Variants in PBX1 observed in about 807,000 individuals in gnomAD.
The protein encoded by PBX1 is PBX homeobox 1.
Under a neutral mutation model 53.4 loss-of-function variants are expected in PBX1, and 6 were observed. That is an observed-to-expected ratio of 0.11 (90% CI 0.06 to 0.22). The LOEUF is 0.22. Ranked by LOEUF, PBX1 falls within the 10% of genes least tolerant of loss-of-function variation. The pLI is 1.00. For synonymous variants in PBX1, 204 were observed against 212.3 expected, an observed-to-expected ratio of 0.96 and a Z score of 0.34; for missense variants, 251 against 551.4, an observed-to-expected ratio of 0.46 and a Z score of 5.46.
intron 4 of PBX1, among the ~76,000 whole-genome samples, chr1:164,805,722 G>A (rs919467991): frequency 2.0e-5 from 3 of 152,178 alleles, no homozygotes; most frequent in Admixed American, 6.5e-5. Flanking sequence ...TAGTCACTTG[G>A]CTATCTTCCT....
At chr1:164,628,233 T>G (rs529280868) in intron 2 of PBX1, among the ~76,000 whole-genome samples, 2 of 152,366 alleles carry the variant, frequency 1.3e-5, no homozygotes, top group East Asian at 3.9e-4. Context: ...TTTCTAGTCC[T>G]GTAGTCATCT....
chr1:164,650,958 C>G (rs1371036571), intron 2 of PBX1, among the ~76,000 whole-genome samples: 1 of 94,926 alleles, frequency 1.1e-5, no homozygotes, highest in African/African-American at 3.4e-5. Context: ...AATGATGTTG[C>G]TCAGAAAAAA....
intron 8 of PBX1, among the ~76,000 whole-genome samples, chr1:164,834,641 G>A (rs570994438): frequency 5.5e-4 from 84 of 152,148 alleles, no homozygotes; most frequent in Non-Finnish European, 1.0e-3. Flanking sequence ...CACTATACCC[G>A]GCCAGCCCTA....
chr1:164,720,289 C>G (rs1204669775), intron 2 of PBX1, among the ~76,000 whole-genome samples: 2 of 152,042 alleles, frequency 1.3e-5, no homozygotes, highest in Admixed American at 6.6e-5. Flanking sequence ...TGACCACAGG[C>G]AATTTTGTGG....
intron 2 of PBX1, among the ~76,000 whole-genome samples, chr1:164,710,751 G>C (rs1166401682): frequency 6.6e-6 from 1 of 152,186 alleles, no homozygotes; most frequent in Non-Finnish European, 1.5e-5. Flanking sequence ...AGCCTTGAGG[G>C]TTTAAGGAGG....
intron 2 of PBX1, chr1:164,626,163 C>T (rs1032055826): frequency 2.1e-6 from 2 of 933,500 alleles, no homozygotes; most frequent in Non-Finnish European, 2.6e-6. Flanking sequence ...CATGCCTTCC[C>T]CCTTTTATCT....
intron 8 of PBX1, among the ~76,000 whole-genome samples, chr1:164,822,191 C>T (rs766916553): frequency 2.0e-5 from 3 of 152,030 alleles, no homozygotes; most frequent in Non-Finnish European, 2.9e-5. Flanking sequence ...CAAGCTATGT[C>T]GCACAGAGTG....
intron 2 of PBX1, among the ~76,000 whole-genome samples, chr1:164,665,873 G>C (rs963217148): frequency 6.6e-6 from 1 of 152,220 alleles, no homozygotes; most frequent in Non-Finnish European, 1.5e-5. Flanking sequence ...GGCTTCATCA[G>C]ATTCATGGGA....
intron 8 of PBX1, among the ~76,000 whole-genome samples, chr1:164,837,155 G>A (rs150692029): frequency 1.3e-3 from 197 of 152,290 alleles, no homozygotes; most frequent in Middle Eastern, 3.4e-3. Flanking sequence ...TACTGGCTGT[G>A]TGTGTATTTC....
rs1273674904 is a variant in PBX1, at chr1:164,849,069, A to G, written c.*2393A>G. On this transcript the variant is annotated 3_prime_UTR_variant, in exon 9 of 9. Transcript: ENST00000420696. ...GGAGAACTCCATCTTAGTGGCAGGA[A>G]TATAATGAAACTACCCACGCAAGAA... The G allele has an allele frequency of 8.5e-6, 11 of 1,296,796 alleles. No homozygotes were observed. The highest frequency in any genetic ancestry group is 3.1e-5 in the East Asian group (1 of 32,360). 80.3% of individuals were successfully genotyped at this position (1,296,796 alleles called of 1,614,324 possible).
chr1:164,663,220 G>GCCTGCCTT (rs1221978622), intron 2 of PBX1, among the ~76,000 whole-genome samples: 7,199 of 133,230 alleles, frequency 0.054, 167 homozygotes, highest in Admixed American at 0.099. Context: ...CTGCCTTCCT[G>GCCTGCCTT]CCTTCCTGCC....
intron 2 of PBX1, among the ~76,000 whole-genome samples, chr1:164,563,532 C>T (rs946140238): frequency 5.9e-5 from 9 of 152,098 alleles, no homozygotes; most frequent in African/African-American, 2.2e-4. Context: ...TTTTCCAGAA[C>T]TCTATTTCCA....
intron 2 of PBX1, among the ~76,000 whole-genome samples, chr1:164,878,100 T>C (rs1357739598): frequency 6.6e-6 from 1 of 152,232 alleles, no homozygotes; most frequent in East Asian, 1.9e-4. Flanking sequence ...GTGCTTAGTA[T>C]GTATTTTATT....
At chr1:164,819,548 C>T (rs1450585726) in intron 6 of PBX1, 1 of 152,500 alleles carries the variant, frequency 6.6e-6, no homozygotes, top group Middle Eastern at 3.2e-3. Context: ...AGAGCCACTC[C>T]TAGTAGGTGA....
intron 2 of PBX1, among the ~76,000 whole-genome samples, chr1:164,632,983 C>T (rs1467480790): frequency 6.6e-6 from 1 of 152,034 alleles, no homozygotes; most frequent in African/African-American, 2.4e-5. Flanking sequence ...ATAAGAAAAC[C>T]TAGAGTGGAT....
chr1:164,583,823 T>C (rs377309914), intron 2 of PBX1, among the ~76,000 whole-genome samples: 7 of 152,290 alleles, frequency 4.6e-5, no homozygotes, highest in African/African-American at 1.7e-4. Flanking sequence ...GTGAGAAATA[T>C]AAGATAGGAA....
chr1:164,561,403 A>T (rs1281020902), intron 1 of PBX1, among the ~76,000 whole-genome samples: 3 of 152,254 alleles, frequency 2.0e-5, no homozygotes, highest in African/African-American at 7.2e-5. Context: ...GGAAATGTTG[A>T]AAGACTCAAA....
chr1:164,666,301 T>C (rs1660806210), intron 2 of PBX1, among the ~76,000 whole-genome samples: 1 of 152,236 alleles, frequency 6.6e-6, no homozygotes, highest in South Asian at 2.1e-4. Context: ...TGTTCATATC[T>C]GCATTCAGTG....
chr1:164,698,163 A>G (rs1662897287), intron 2 of PBX1, among the ~76,000 whole-genome samples: 1 of 151,988 alleles, frequency 6.6e-6, no homozygotes, highest in African/African-American at 2.4e-5. Context: ...TTTTTTTTCC[A>G]TTCTGCCACA....
Sources: allele counts gnomAD v4.1 joint callset (sites outside exome capture counted in the v4.1 genomes callset), GRCh38; gene constraint gnomAD v4.1.1; transcripts MANE v1.5; gene names NCBI Gene and HGNC (gene_info 2026-07-23, HGNC 2026-07-21).